Variants in WWC2 observed in about 807,000 individuals in gnomAD.
The protein encoded by WWC2 is WW and C2 domain containing 2.
WWC2 carries 101 observed loss-of-function variants against 138.5 expected under a neutral mutation model. The ratio of observed to expected loss-of-function variants is 0.73; its 90% CI spans 0.62 to 0.86. The LOEUF is 0.86. WWC2 is among the 40% of genes least tolerant of loss of function. The pLI, the probability that WWC2 is intolerant of heterozygous loss-of-function variation, is 0.00. For synonymous variants in WWC2, 558 were observed against 538.4 expected, an observed-to-expected ratio of 1.04 and a Z score of -0.50; for missense variants, 1,420 against 1,419.4, an observed-to-expected ratio of 1.00 and a Z score of -0.01.
intron 21 of WWC2, among the ~76,000 whole-genome samples, chr4:183,290,343 C>T (rs115821292): frequency 0.016 from 2,435 of 152,048 alleles, 71 homozygotes; most frequent in African/African-American, 0.055. Context: ...GCTGAAACCT[C>T]GTCTTTACTA....
chr4:183,253,743 CTTT>C lies in WWC2; in HGVS notation c.954-5_954-3del. 1 of 1,232,528 alleles carries C rather than the reference CTTT, an allele frequency of 8.1e-7. No homozygotes were observed. Among genetic ancestry groups the C allele is most frequent in the Non-Finnish European group, 1.1e-6 (1 of 888,906 alleles). 76.3% of individuals were successfully genotyped at this position (1,232,528 alleles called of 1,614,324 possible). On this transcript the variant is annotated splice_polypyrimidine_tract_variant and intron_variant, in intron 8 of 22. Transcript: ENST00000403733. The stretch of plus-strand genomic sequence containing the variant: ...TTAAGTATGTGCATACCTCTTCTAT[CTTT>C]TTTTTTTTAGTATGGCCAACTTAAA...
At chr4:183,190,455 T>G (rs537629443) in intron 1 of WWC2, among the ~76,000 whole-genome samples, 10 of 152,336 alleles carry the variant, frequency 6.6e-5, no homozygotes, top group African/African-American at 2.2e-4. Context: ...AATTGGGTAC[T>G]TAATTTGTTT....
At chr4:183,260,867 C>T in intron 10 of WWC2, 43 bp from the exon 11 acceptor site, 1 of 1,597,806 alleles carries the variant, frequency 6.3e-7, no homozygotes, top group Non-Finnish European at 8.5e-7. Context: ...TTAGGTTTTC[C>T]ATTTTGTAAC....
At chr4:183,268,934 G>C (rs747340846) in intron 14 of WWC2, 37 bp from the exon 15 acceptor site, 2 of 1,559,364 alleles carry the variant, frequency 1.3e-6, no homozygotes, top group African/African-American at 1.4e-5. Flanking sequence ...TATAATTAAA[G>C]TACCTATGAA....
rs1380628547 is a variant in WWC2, at chr4:183,208,972, A to G, written c.469A>G (p.Thr157Ala). Residue 157 changes from threonine (T) to alanine (A), a missense_variant, in exon 4 of 23, where the codon ACT (threonine) becomes GCT (alanine). By Grantham distance (58) the Thr-to-Ala change is moderately conservative (BLOSUM62 0). Transcript: ENST00000403733. The stretch of plus-strand genomic sequence containing the variant: ...AGTATTCTCAGGATCTTCATCCAGT[A>G]CTAAATATGATCCCGATATTTTAAA... ...TSLFSGSSSSTKYDPDILKAE... is the reference protein window; with the variant it reads ...TSLFSGSSSSAKYDPDILKAE... 5 of 1,566,976 alleles carry G rather than the reference A, an allele frequency of 3.2e-6. No homozygotes were observed. The highest frequency in any genetic ancestry group is 4.3e-6 in the Non-Finnish European group (5 of 1,153,066).
At chr4:183,111,570 T>A (rs1732233322) in intron 1 of WWC2, among the ~76,000 whole-genome samples, 4 of 152,214 alleles carry the variant, frequency 2.6e-5, no homozygotes. Flanking sequence ...TTATCAGCTT[T>A]GTTGACTTAC....
intron 21 of WWC2, among the ~76,000 whole-genome samples, chr4:183,302,007 A>G (rs1251105653): frequency 6.6e-6 from 1 of 152,202 alleles, no homozygotes; most frequent in East Asian, 1.9e-4. Context: ...ATATTAGTAA[A>G]TGTTACTGTA....
At chr4:183,196,262 G>C (rs1735139043) in intron 2 of WWC2, among the ~76,000 whole-genome samples, 1 of 151,994 alleles carries the variant, frequency 6.6e-6, no homozygotes, top group African/African-American at 2.4e-5. Context: ...AGGCAAGAAG[G>C]GTCTAATACA....
At chr4:183,299,081 G>T (rs1486672498) in intron 21 of WWC2, among the ~76,000 whole-genome samples, 2 of 152,126 alleles carry the variant, frequency 1.3e-5, no homozygotes, top group African/African-American at 4.8e-5. Context: ...CACAGTTCGG[G>T]AGGCTGGAAA....
rs543802222 is a variant in WWC2 at position 183,297,391 on chromosome 4, G to A, written c.3384+7756G>A. Among the ~76,000 whole-genome samples the A allele has an allele frequency of 3.3e-5, 5 of 151,746 alleles. No individual in the cohort carries two copies. The East Asian group carries it at 9.7e-4, about 29-fold the overall frequency. On this transcript the variant is annotated intron_variant, in intron 21 of 22. Coordinates refer to ENST00000403733, the MANE Select transcript of WWC2 (RefSeq NM_024949.6). ...TAAGGATCTTTCTGTTATGATTGTGGTAGAGCCTGAGATAAACACTTTTTT... is the reference window on the plus strand; with the variant it reads ...TAAGGATCTTTCTGTTATGATTGTGATAGAGCCTGAGATAAACACTTTTTT...
chr4:183,135,848 AT>A (rs1467018574), intron 1 of WWC2, among the ~76,000 whole-genome samples: 2 of 152,064 alleles, frequency 1.3e-5, no homozygotes, highest in Non-Finnish European at 2.9e-5. Flanking sequence ...GCTGACAGTT[AT>A]TTTCTCACAG....
At chr4:183,152,798 G>T (rs1247869860) in intron 1 of WWC2, among the ~76,000 whole-genome samples, 2 of 148,898 alleles carry the variant, frequency 1.3e-5, no homozygotes, top group South Asian at 4.3e-4. Context: ...CAGGAGAATC[G>T]CTTGAACCCA....
intron 1 of WWC2, among the ~76,000 whole-genome samples, chr4:183,106,007 T>G (rs1743344991): frequency 6.6e-6 from 1 of 151,970 alleles, no homozygotes; most frequent in Non-Finnish European, 1.5e-5. Flanking sequence ...TGACAAGAGT[T>G]TTATTCTTGT....
chr4:183,257,034 C>A (rs996626701), intron 9 of WWC2, among the ~76,000 whole-genome samples: 4 of 151,850 alleles, frequency 2.6e-5, no homozygotes, highest in Non-Finnish European at 5.9e-5. Context: ...AGAAATTGCT[C>A]GCAAATGAAA....
At chr4:183,315,452 C>G (rs772222881) in intron 22 of WWC2, among the ~76,000 whole-genome samples, 1 of 152,104 alleles carries the variant, frequency 6.6e-6, no homozygotes, top group Non-Finnish European at 1.5e-5. Flanking sequence ...AGGTGACTTC[C>G]GTGATCCAGA....
In WWC2 at chr4:183,265,880, T is replaced by G. The variant is rs751505237; in HGVS notation, c.2136T>G (p.Ser712Arg). The part of the protein sequence containing the change: ...VQIGLRYNAK[S>R]SSFMVIIAQL... ...CTTTTGACAGATACAATGCAAAAAG[T>G]TCAAGTTTCATGGTGATTATAGCAC... Residue 712 changes from serine to arginine, a missense_variant, in exon 14 of 23, where the codon AGT becomes AGG. Physicochemically the swap from Ser to Arg is moderately radical, Grantham distance 110 (BLOSUM62 -1). Coordinates refer to ENST00000403733, the MANE Select transcript of WWC2 (RefSeq NM_024949.6). The G allele has an allele frequency of 6.8e-6, 11 of 1,612,940 alleles. No homozygotes were observed. In the East Asian group the frequency reaches 2.2e-4, roughly 33 times the overall value.
rs758389809 is a variant in WWC2, at chr4:183,193,688, A to C, written c.221A>C (p.Tyr74Ser). The part of the protein sequence containing the change: ...EAGFDPQIGV[Y>S]YIDHINKTTQ... Reference sequence around the variant, plus strand: ...GGGTTTGACCCTCAGATTGGTGTCTACTACATCGATCACATCAACAGTAAG... The same window carrying C: ...GGGTTTGACCCTCAGATTGGTGTCTCCTACATCGATCACATCAACAGTAAG... Residue 74 changes from tyrosine (Y) to serine (S), a missense_variant, in exon 2 of 23, where the codon TAC (tyrosine) becomes TCC (serine). Physicochemically the swap from Tyr to Ser is moderately radical, Grantham distance 144. Coordinates refer to ENST00000403733, the MANE Select transcript of WWC2 (RefSeq NM_024949.6). 1.9e-6 allele frequency: 3 copies of C among 1,613,534 alleles called. No homozygotes were observed. Among genetic ancestry groups the C allele is most frequent in the Non-Finnish European group, 2.5e-6 (3 of 1,179,636 alleles).
chr4:183,185,539 A>C (rs916478910), intron 1 of WWC2, among the ~76,000 whole-genome samples: 3 of 152,122 alleles, frequency 2.0e-5, no homozygotes, highest in Non-Finnish European at 4.4e-5. Flanking sequence ...CATGATGTAT[A>C]TTTTTCCTGT....
intron 7 of WWC2, among the ~76,000 whole-genome samples, chr4:183,249,438 A>G (rs543567522): frequency 2.9e-4 from 44 of 152,272 alleles, no homozygotes; most frequent in African/African-American, 1.1e-3. Context: ...GCTTTGAAAT[A>G]TGTGCTGTGA....
Sources: gnomAD v4.1 joint callset for allele counts (sites outside exome capture counted in the v4.1 genomes callset) on GRCh38, gnomAD v4.1.1 for gene constraint, MANE v1.5 for transcripts, NCBI Gene and HGNC (gene_info 2026-07-23, HGNC 2026-07-21) for gene names.